IFT80: variants seen among roughly 807,000 people sequenced by gnomAD.
IFT80 encodes the protein intraflagellar transport protein 80 homolog.
IFT80 carries 79 observed loss-of-function variants against 107.9 expected under a neutral mutation model. The ratio of observed to expected loss-of-function variants is 0.73; its 90% CI spans 0.61 to 0.88. The LOEUF (loss-of-function observed/expected upper bound fraction) is 0.88. Ranked by LOEUF, IFT80 falls within the 40% of genes least tolerant of loss-of-function variation. The probability of loss-of-function intolerance (pLI) is 0.00; values close to 1 mark genes in which losing one functional copy is unlikely to be tolerated. For synonymous variants in IFT80, 299 were observed against 300.9 expected (o/e 0.99, Z 0.07); for missense variants, 797 against 914.2 (o/e 0.87, Z 1.65).
chr3:160,304,615 T>A (rs1242320019), intron 10 of IFT80, among the ~76,000 whole-genome samples: 2 of 151,888 alleles, frequency 1.3e-5, no homozygotes, highest in African/African-American at 4.8e-5. Flanking sequence ...TTTTGTATTT[T>A]TAGTAGAGGC....
chr3:160,370,372 T>C (rs1722149732), intron 5 of IFT80, among the ~76,000 whole-genome samples: 1 of 144,174 alleles, frequency 6.9e-6, no homozygotes, highest in Non-Finnish European at 1.6e-5. Context: ...TAGTAGCCAT[T>C]TGATTTTTTT....
At chr3:160,329,256 ATTT>A (rs1171694229) in intron 8 of IFT80, among the ~76,000 whole-genome samples, 1 of 152,106 alleles carries the variant, frequency 6.6e-6, no homozygotes, top group Non-Finnish European at 1.5e-5. Context: ...TTTTAAAGAG[ATTT>A]TTTTAACACT....
intron 1 of IFT80, among the ~76,000 whole-genome samples, chr3:160,396,846 T>G (rs1713816753): frequency 6.6e-6 from 1 of 152,214 alleles, no homozygotes. Context: ...TCAAAATTTA[T>G]ACTTATTCTG....
intron 7 of IFT80, among the ~76,000 whole-genome samples, chr3:160,356,632 T>G (rs1489069117): frequency 6.6e-6 from 1 of 152,174 alleles, no homozygotes; most frequent in African/African-American, 2.4e-5. Context: ...GAGATCTTCC[T>G]GCTTTAGCCT....
intron 8 of IFT80, among the ~76,000 whole-genome samples, chr3:160,330,164 A>AT (rs1718986742): frequency 6.6e-6 from 1 of 152,198 alleles, no homozygotes; most frequent in Non-Finnish European, 1.5e-5. Flanking sequence ...GCACATTATT[A>AT]TTATCTTAGA....
intron 9 of IFT80, among the ~76,000 whole-genome samples, chr3:160,312,218 G>C (rs1309213046): frequency 6.6e-6 from 1 of 152,086 alleles, no homozygotes; most frequent in East Asian, 1.9e-4. Flanking sequence ...CTCTGGAACT[G>C]AGCAGGCCGC....
At chr3:160,371,604 G>A (rs994283960) in intron 5 of IFT80, among the ~76,000 whole-genome samples, 3 of 151,950 alleles carry the variant, frequency 2.0e-5, no homozygotes, top group Non-Finnish European at 2.9e-5. Context: ...CACTATGCCC[G>A]GCTAACTTTT....
intron 8 of IFT80, among the ~76,000 whole-genome samples, chr3:160,350,809 G>A (rs1480553928): frequency 6.6e-6 from 1 of 150,428 alleles, no homozygotes; most frequent in South Asian, 2.1e-4. Flanking sequence ...GCGAGGCTCC[G>A]TTTCAAAAAA....
chr3:160,378,606 A>C (rs1351552685), intron 3 of IFT80, among the ~76,000 whole-genome samples: 1 of 152,010 alleles, frequency 6.6e-6, no homozygotes, highest in East Asian at 1.9e-4. Context: ...TTGTGCCAGC[A>C]AGGAAGTGCT....
chr3:160,377,079 T>C (rs1712082694), intron 4 of IFT80, among the ~76,000 whole-genome samples: 1 of 152,190 alleles, frequency 6.6e-6, no homozygotes, highest in Admixed American at 6.5e-5. Flanking sequence ...ATGTAATAGG[T>C]TGAATCATTA....
intron 1 of IFT80, among the ~76,000 whole-genome samples, chr3:160,386,981 AC>A (rs1401657055): frequency 1.3e-5 from 2 of 152,198 alleles, no homozygotes; most frequent in Non-Finnish European, 2.9e-5. Context: ...GAACTGACTT[AC>A]ATTTTAAATG....
At chr3:160,397,716 C>CTTTTTTTTTTTTTT (rs545413654) in intron 1 of IFT80, among the ~76,000 whole-genome samples, 1 of 96,600 alleles carries the variant, frequency 1.0e-5, no homozygotes, top group Non-Finnish European at 2.0e-5. Flanking sequence ...TTGGTCTATA[C>CTTTTTTTTTTTTTT]TTTTTTTTTT....
chr3:160,338,291 G>A (rs1719640884), intron 8 of IFT80, among the ~76,000 whole-genome samples: 1 of 152,128 alleles, frequency 6.6e-6, no homozygotes, highest in African/African-American at 2.4e-5. Flanking sequence ...CCATTGGCCT[G>A]GCACCAACTG....
chr3:160,297,330 T>C (rs1716062150), intron 12 of IFT80, among the ~76,000 whole-genome samples: 1 of 152,080 alleles, frequency 6.6e-6, no homozygotes, highest in South Asian at 2.1e-4. Flanking sequence ...CCAAGATTAA[T>C]AAATAGAGTA....
intron 4 of IFT80, 23 bp from the exon 5 acceptor site, chr3:160,375,903 A>G: frequency 6.7e-7 from 1 of 1,490,904 alleles, no homozygotes; most frequent in Non-Finnish European, 9.3e-7. Context: ...AAAAAAATTA[A>G]TCAGTATTTT....
At chr3:160,273,889 G>C (rs1001178825) in intron 18 of IFT80, among the ~76,000 whole-genome samples, 1 of 152,056 alleles carries the variant, frequency 6.6e-6, no homozygotes, top group Admixed American at 6.6e-5. Context: ...CTTACAATTA[G>C]GTAAAAGCAA....
At chr3:160,314,823 C>G (rs1717671812) in intron 9 of IFT80, among the ~76,000 whole-genome samples, 1 of 152,008 alleles carries the variant, frequency 6.6e-6, no homozygotes, top group Admixed American at 6.6e-5. Context: ...CAAGCAACTA[C>G]TTTGTTGCTA....
At chr3:160,317,762 A>C (rs1196444793) in intron 9 of IFT80, among the ~76,000 whole-genome samples, 1 of 152,040 alleles carries the variant, frequency 6.6e-6, no homozygotes, top group African/African-American at 2.4e-5. Context: ...AGACTGAGAA[A>C]CTCTACCAGA....
intron 8 of IFT80, among the ~76,000 whole-genome samples, chr3:160,339,679 G>C (rs1210232456): frequency 6.6e-6 from 1 of 152,120 alleles, no homozygotes; most frequent in Non-Finnish European, 1.5e-5. Context: ...AAAACAAAAA[G>C]TGGGTAAGCA....
Sources: allele counts gnomAD v4.1 joint callset (sites outside exome capture counted in the v4.1 genomes callset), GRCh38; gene constraint gnomAD v4.1.1; transcripts MANE v1.5; gene names NCBI Gene and HGNC (gene_info 2026-07-23, HGNC 2026-07-21).